Variants in RORB observed in about 807,000 individuals in gnomAD.
RORB encodes the protein nuclear receptor ROR-beta.
In RORB, 6 loss-of-function variants were observed where a neutral mutation model predicts 59.1. The ratio of observed to expected loss-of-function variants is 0.10; its 90% CI spans 0.06 to 0.20. RORB has a LOEUF of 0.20. RORB is among the 10% of genes least tolerant of loss of function. The pLI is 1.00. For synonymous variants in RORB, 215 were observed against 204.5 expected (o/e 1.05, Z -0.44); for missense variants, 320 against 560.5 (o/e 0.57, Z 4.33).
At chr9:74,524,451 A>G (rs1411964859) in intron 1 of RORB, among the ~76,000 whole-genome samples, 1 of 151,896 alleles carries the variant, frequency 6.6e-6, no homozygotes, top group Admixed American at 6.6e-5. Context: ...AAAGGTCTTG[A>G]CTTCTGCTGA....
intron 9 of RORB, among the ~76,000 whole-genome samples, chr9:74,681,485 C>A (rs1024420624): frequency 6.6e-6 from 1 of 152,206 alleles, no homozygotes; most frequent in Non-Finnish European, 1.5e-5. Context: ...GAGAGCTCTT[C>A]GCCTTCTCTG....
intron 3 of RORB, among the ~76,000 whole-genome samples, chr9:74,636,315 A>G (rs969804588): frequency 6.6e-6 from 1 of 152,168 alleles, no homozygotes; most frequent in African/African-American, 2.4e-5. Context: ...GTGCAAAGAG[A>G]TAAGCCATAG....
intron 8 of RORB, 78 bp downstream of exon 8, chr9:74,667,979 C>A (rs2118533515): frequency 4.7e-6 from 4 of 857,930 alleles, no homozygotes; most frequent in Non-Finnish European, 8.0e-6. Flanking sequence ...CTGCCTAAGC[C>A]AAAGTGTTCA....
At chr9:74,506,072 TA>T (rs35284074) in intron 1 of RORB, among the ~76,000 whole-genome samples, 1 of 151,946 alleles carries the variant, frequency 6.6e-6, no homozygotes, top group Non-Finnish European at 1.5e-5. Flanking sequence ...ATTTATTTTT[TA>T]AAAAAAGGAA....
chr9:74,666,736 A>T (rs1824272087), intron 7 of RORB, among the ~76,000 whole-genome samples: 2 of 152,210 alleles, frequency 1.3e-5, no homozygotes, highest in African/African-American at 4.8e-5. Context: ...CACAGAGTTC[A>T]TGCCAACCTG....
intron 1 of RORB, among the ~76,000 whole-genome samples, chr9:74,541,279 C>CAAAAAA (rs374556016): frequency 0.019 from 822 of 43,418 alleles, 68 homozygotes; most frequent in Non-Finnish European, 0.02. Flanking sequence ...GACTCCATCT[C>CAAAAAA]AAAAAAAAAA....
At position 74,681,353 on chromosome 9, in the gene RORB, G is replaced by A. The variant is rs529354077; in HGVS notation, c.1225-4110G>A. On this transcript the variant is annotated intron_variant, in intron 9 of 9. Coordinates refer to ENST00000376896, the MANE Select transcript of RORB (RefSeq NM_006914.4). ...CTGGGCTCTGACAAGTGCTGCTGCC[G>A]CCTCCACATGGCCTCCTGGCCCACC... Among the ~76,000 whole-genome samples, 15 of 152,180 alleles carry A rather than the reference G, an allele frequency of 9.9e-5. No individual in the cohort carries two copies. The South Asian group carries it at 1.7e-3, about 17-fold the overall frequency.
intron 1 of RORB, among the ~76,000 whole-genome samples, chr9:74,610,110 C>T (rs1823211803): frequency 6.6e-6 from 1 of 152,196 alleles, no homozygotes; most frequent in Non-Finnish European, 1.5e-5. Flanking sequence ...TTCTCAGCTG[C>T]TTTTAATCTC....
At chr9:74,514,971 C>T (rs1825988469) in intron 1 of RORB, among the ~76,000 whole-genome samples, 1 of 151,030 alleles carries the variant, frequency 6.6e-6, no homozygotes, top group Admixed American at 6.7e-5. Context: ...GCTTTGAATC[C>T]TCAACTTCAA....
intron 1 of RORB, among the ~76,000 whole-genome samples, chr9:74,532,158 G>A (rs180851216): frequency 2.6e-4 from 40 of 152,016 alleles, no homozygotes; most frequent in African/African-American, 7.5e-4. Flanking sequence ...AAAATTAAAC[G>A]AATAGTATTT....
intron 3 of RORB, among the ~76,000 whole-genome samples, chr9:74,635,364 A>G (rs1823684142): frequency 6.6e-6 from 1 of 152,102 alleles, no homozygotes. Context: ...AGAATGTCAT[A>G]CCTTCTACAC....
chr9:74,670,071 CTT>C (rs879518494), intron 8 of RORB, among the ~76,000 whole-genome samples: 4 of 145,800 alleles, frequency 2.7e-5, no homozygotes. Context: ...TCCTCTAGGC[CTT>C]TTTTTTTTTA....
intron 1 of RORB, among the ~76,000 whole-genome samples, chr9:74,571,011 A>G (rs1043259285): frequency 2.0e-5 from 3 of 151,458 alleles, no homozygotes; most frequent in Non-Finnish European, 2.9e-5. Context: ...TGCTAGTTTT[A>G]TAGATAGAAA....
intron 4 of RORB, among the ~76,000 whole-genome samples, chr9:74,658,839 AT>A (rs1462072375): frequency 1.3e-5 from 2 of 152,212 alleles, no homozygotes. Flanking sequence ...TAAACTTTGA[AT>A]ATAGGATTTT....
intron 1 of RORB, among the ~76,000 whole-genome samples, chr9:74,509,552 T>G (rs1825908152): frequency 6.6e-6 from 1 of 152,106 alleles, no homozygotes; most frequent in South Asian, 2.1e-4. Context: ...ATGCACTCAT[T>G]TGACCCTCAG....
chr9:74,589,522 C>G (rs1192897539), intron 1 of RORB, among the ~76,000 whole-genome samples: 2 of 152,088 alleles, frequency 1.3e-5, no homozygotes, highest in African/African-American at 4.8e-5. Context: ...AAAATGATAC[C>G]AAGACTTATC....
At chr9:74,549,091 G>A (rs1164114110) in intron 1 of RORB, among the ~76,000 whole-genome samples, 3 of 152,080 alleles carry the variant, frequency 2.0e-5, no homozygotes, top group East Asian at 3.9e-4. Context: ...TGAAATATGC[G>A]TACTGCTCAG....
In RORB at chr9:74,498,017, G is replaced by T. The variant is rs376775025; in HGVS notation, c.7+34G>T. ...GTCTGCGGGCACCGAGGCTCCCCGA[G>T]TCCGGCCAACTCCAGCCAGACGGGG... On this transcript the variant is annotated intron_variant, in intron 1 of 9. Transcript: ENST00000376896. The T allele has an allele frequency of 8.1e-6, 13 of 1,605,400 alleles. No individual in the cohort carries two copies. The African/African-American group carries it at 1.5e-4, about 18-fold the overall frequency.
intron 4 of RORB, among the ~76,000 whole-genome samples, chr9:74,650,932 G>C (rs556733729): frequency 1.4e-4 from 22 of 152,246 alleles, no homozygotes; most frequent in Admixed American, 4.6e-4. Flanking sequence ...GTGGGGGAGA[G>C]ATTGCATCTG....
Sources: gnomAD v4.1 joint callset for allele counts (sites outside exome capture counted in the v4.1 genomes callset) on GRCh38, gnomAD v4.1.1 for gene constraint, MANE v1.5 for transcripts, NCBI Gene and HGNC (gene_info 2026-07-23, HGNC 2026-07-21) for gene names.